DST: variants seen among roughly 807,000 people sequenced by gnomAD.
DST encodes the protein dystonin, also known as bullous pemphigoid antigen.
Under a neutral mutation model 875.2 loss-of-function variants are expected in DST, and 253 were observed. The observed-to-expected ratio is 0.29, with a 90% CI of 0.26 to 0.32. DST has a LOEUF of 0.32. Ranked by LOEUF, DST falls within the 10% of genes least tolerant of loss-of-function variation. The pLI, the probability that DST is intolerant of heterozygous loss-of-function variation, is 1.00. For synonymous variants in DST, 3,124 were observed against 3,197.1 expected, an observed-to-expected ratio of 0.98 and a Z score of 0.77; for missense variants, 8,287 against 9,111.6, an observed-to-expected ratio of 0.91 and a Z score of 3.68.
intron 5 of DST, among the ~76,000 whole-genome samples, chr6:56,720,939 G>A (rs868227930): frequency 6.6e-6 from 1 of 152,108 alleles, no homozygotes; most frequent in Non-Finnish European, 1.5e-5. Context: ...CCAGGCAGAG[G>A]GGCCCCCCAC....
At chr6:56,870,431 CAAAAAAA>C (rs34119606) in intron 3 of DST, among the ~76,000 whole-genome samples, 27 of 51,370 alleles carry the variant, frequency 5.3e-4, no homozygotes, top group African/African-American at 7.4e-4. Context: ...CTTGCAACTG[CAAAAAAA>C]AAAAAAAAAA....
chr6:56,799,703 C>T (rs1009611823), intron 4 of DST, among the ~76,000 whole-genome samples: 1 of 151,798 alleles, frequency 6.6e-6, no homozygotes, highest in Non-Finnish European at 1.5e-5. Flanking sequence ...CTCACTGCAA[C>T]CTCCACCTCT....
chr6:56,721,830 C>A (rs1489675222), intron 5 of DST, among the ~76,000 whole-genome samples: 1 of 152,188 alleles, frequency 6.6e-6, no homozygotes, highest in East Asian at 1.9e-4. Context: ...CTTCACCATT[C>A]AAGTGAATAT....
At chr6:56,464,479 ATC>A in intron 100 of DST, 1 of 576,604 alleles carries the variant, frequency 1.7e-6, no homozygotes, top group Non-Finnish European at 3.1e-6. Context: ...CATGTGTTTG[ATC>A]ACTTATAACA....
At chr6:56,794,037 T>G (rs2099735626) in intron 4 of DST, among the ~76,000 whole-genome samples, 1 of 152,232 alleles carries the variant, frequency 6.6e-6, no homozygotes, top group African/African-American at 2.4e-5. Context: ...CATTTTATTT[T>G]AATACAGGCT....
chr6:56,789,148 T>C (rs1334346584), intron 4 of DST, among the ~76,000 whole-genome samples: 1 of 152,164 alleles, frequency 6.6e-6, no homozygotes, highest in African/African-American at 2.4e-5. Context: ...CTCAGCAACA[T>C]AGTGAGACCC....
intron 9 of DST, among the ~76,000 whole-genome samples, chr6:56,675,019 C>T (rs956456706): frequency 5.3e-5 from 8 of 152,128 alleles, no homozygotes; most frequent in African/African-American, 1.4e-4. Context: ...AAATATACTA[C>T]AAATCTATAG....
At chr6:56,883,717 T>A (rs1253383643) in intron 3 of DST, among the ~76,000 whole-genome samples, 2 of 152,130 alleles carry the variant, frequency 1.3e-5, no homozygotes, top group African/African-American at 4.8e-5. Context: ...GCTTGAACAA[T>A]CACCATCTCC....
intron 47 of DST, among the ~76,000 whole-genome samples, chr6:56,596,211 T>C (rs2098384195): frequency 6.6e-6 from 1 of 151,804 alleles, no homozygotes; most frequent in Admixed American, 6.6e-5. Flanking sequence ...GTATTTTTAG[T>C]AGAGACAGGG....
intron 5 of DST, among the ~76,000 whole-genome samples, chr6:56,730,226 C>T (rs1167109714): frequency 2.0e-5 from 3 of 152,074 alleles, no homozygotes; most frequent in Non-Finnish European, 2.9e-5. Flanking sequence ...AATCATTTAT[C>T]CCCTTAAACT....
At chr6:56,803,001 T>C (rs1450276043) in intron 4 of DST, among the ~76,000 whole-genome samples, 2 of 152,202 alleles carry the variant, frequency 1.3e-5, no homozygotes, top group East Asian at 3.8e-4. Flanking sequence ...CAAAATACTG[T>C]AGCTGAGATG....
chr6:56,482,991 C>A, intron 88 of DST, 114 bp from the exon 89 acceptor site: 1 of 702,058 alleles, frequency 1.4e-6, no homozygotes. Context: ...CTAAGACCTA[C>A]AGTTTAATAA....
chr6:56,836,850 C>CA (rs1362120373), intron 4 of DST, among the ~76,000 whole-genome samples: 1,045 of 74,254 alleles, frequency 0.014, 16 homozygotes, highest in African/African-American at 0.049. Context: ...GACTCCATCT[C>CA]AAAAAAAAAA....
rs368002729 is a variant in DST, at chr6:56,553,027, G to A, written c.15765C>T (p.Asp5255=). The change falls in exon 61 of 104, where the codon GAC becomes GAT. Residue 5255 remains aspartate, a synonymous_variant. Transcript: ENST00000680361. ...TACTGTGAAGTTGTTCAGTGACCAT[G>A]TCCACCTTCTGGATCAGTGACTTAT... ...DENKSLIQKV[D]MVTEQLHSKK... is the part of the protein sequence containing the mutation. 113 of 1,613,720 alleles carry A rather than the reference G, an allele frequency of 7.0e-5. No homozygotes were observed. The highest frequency in any genetic ancestry group is 8.9e-5 in the Non-Finnish European group (105 of 1,179,900).
At chr6:56,634,386 C>A (rs191284787) in intron 26 of DST, 76 bp downstream of exon 26, 12 of 1,607,682 alleles carry the variant, frequency 7.5e-6, no homozygotes, top group Non-Finnish European at 1.0e-5. Context: ...GGGGCCTTGA[C>A]AAAGTATTGA....
intron 5 of DST, among the ~76,000 whole-genome samples, chr6:56,729,408 T>G (rs2099487111): frequency 6.6e-6 from 1 of 151,960 alleles, no homozygotes; most frequent in African/African-American, 2.4e-5. Context: ...CTGACCAACA[T>G]GAAGAAACCC....
At chr6:56,878,214 T>C (rs1193283458) in intron 3 of DST, among the ~76,000 whole-genome samples, 1 of 152,234 alleles carries the variant, frequency 6.6e-6, no homozygotes. Flanking sequence ...AAGCTATTTA[T>C]GTCTTGAGCA....
Position 56,607,645 on chromosome 6 carries a change from A to G in DST, c.6983T>C (p.Ile2328Thr), listed in dbSNP as rs1464285918. 5.6e-6 allele frequency: 9 copies of G among 1,613,332 alleles called. No individual in the cohort carries two copies. The highest frequency in any genetic ancestry group is 7.6e-6 in the Non-Finnish European group (9 of 1,179,664). The change falls in exon 40 of 104, where the codon ATT becomes ACT. Residue 2328 changes from isoleucine (I) to threonine (T), a missense_variant. By Grantham distance (89) the Ile-to-Thr change is moderately conservative. Around this residue, in one of 10 missense-constraint regions of DST, gnomAD observed 3,138 missense variants for 3,116.6 expected, o/e 1.01. Coordinates refer to ENST00000680361, the MANE Select transcript of DST (RefSeq NM_001374736.1). ...GGGTGAACTGTTAACTTTAGGATCA[A>G]TTGATATTGTACTTGCCAGTTTTCC... ...QSGKLASTIS[I>T]DPKVNSSPSV...
At chr6:56,832,622 A>G (rs1203511338) in intron 4 of DST, among the ~76,000 whole-genome samples, 12 of 152,200 alleles carry the variant, frequency 7.9e-5, no homozygotes, top group Non-Finnish European at 1.3e-4. Context: ...ACTGCAAAAA[A>G]AAAAAAATGC....
Sources: allele counts gnomAD v4.1 joint callset (sites outside exome capture counted in the v4.1 genomes callset), GRCh38; gene constraint gnomAD v4.1.1; regional missense constraint gnomAD v4.1.1; transcripts MANE v1.5; gene names NCBI Gene and HGNC (gene_info 2026-07-23, HGNC 2026-07-21).